Variants in DST observed in about 807,000 individuals in gnomAD.
DST encodes the protein dystonin.
A neutral mutation model predicts 875.2 loss-of-function variants in DST; 253 were observed. The observed-to-expected ratio is 0.29, with a 90% CI of 0.26 to 0.32. The LOEUF is 0.32. DST is among the 10% of genes least tolerant of loss of function. DST has a pLI of 1.00. For missense variants in DST, 8,287 were observed against 9,111.6 expected (o/e 0.91, Z 3.68); for synonymous variants, 3,124 against 3,197.1 (o/e 0.98, Z 0.77).
At chr6:56,669,287 C>CAAAAAAAAAAAAAAAAAAAAA (rs1055863442) in intron 10 of DST, among the ~76,000 whole-genome samples, 1 of 69,392 alleles carries the variant, frequency 1.4e-5, no homozygotes, top group Non-Finnish European at 3.1e-5. Flanking sequence ...TTTGTAAAAC[C>CAAAAAAAAAAAAAAAAAAAAA]AAAAAAAAAA....
chr6:56,545,143 C>T (rs1027148397), intron 61 of DST, among the ~76,000 whole-genome samples: 1 of 151,848 alleles, frequency 6.6e-6, no homozygotes, highest in Non-Finnish European at 1.5e-5. Flanking sequence ...CTCCCAAGTA[C>T]AGATGCGCAC....
At chr6:56,812,226 T>A (rs2099761256) in intron 4 of DST, among the ~76,000 whole-genome samples, 1 of 152,052 alleles carries the variant, frequency 6.6e-6, no homozygotes, top group African/African-American at 2.4e-5. Flanking sequence ...GGATAGCATG[T>A]TTTTTAAACA....
intron 80 of DST, among the ~76,000 whole-genome samples, chr6:56,500,213 A>T (rs917519212): frequency 6.6e-6 from 1 of 152,092 alleles, no homozygotes; most frequent in Non-Finnish European, 1.5e-5. Flanking sequence ...GTTAAGGAAA[A>T]TTTATTTTAG....
intron 90 of DST, among the ~76,000 whole-genome samples, chr6:56,479,149 T>C (rs2095316316): frequency 6.6e-6 from 1 of 152,166 alleles, no homozygotes; most frequent in Middle Eastern, 3.4e-3. Context: ...AATACAAGCA[T>C]ACAAGCAGCC....
chr6:56,624,768 GA>G, intron 35 of DST, 140 bp from the exon 36 acceptor site: 1 of 683,322 alleles, frequency 1.5e-6, no homozygotes, highest in Non-Finnish European at 2.6e-6. Flanking sequence ...TGATAAGAAT[GA>G]GCTTATTATT....
chr6:56,748,630 C>G (rs2099579074), intron 4 of DST, among the ~76,000 whole-genome samples: 1 of 152,210 alleles, frequency 6.6e-6, no homozygotes. Flanking sequence ...ACACTATACA[C>G]TACAGAATTT....
intron 9 of DST, among the ~76,000 whole-genome samples, chr6:56,680,963 T>C (rs2099154219): frequency 6.6e-6 from 1 of 152,166 alleles, no homozygotes; most frequent in Non-Finnish European, 1.5e-5. Context: ...ATATACAATA[T>C]CATTTTACAA....
rs2095837173 is a variant in DST, at chr6:56,494,085, C to T, written c.20319G>A (p.Glu6773=). The T allele has an allele frequency of 6.2e-7, 1 of 1,611,332 alleles. No individual in the cohort carries two copies. The highest frequency in any genetic ancestry group is 8.5e-7 in the Non-Finnish European group (1 of 1,178,358). The part of the protein sequence containing the change: ...QMLARCPKSA[E]TNIDQDINNL... ...TATTTATGTCTTGGTCAATATTTGT[C>T]TCTGCAGATTTTGGGCATCTTGCAA... is the stretch of plus-strand genomic sequence containing the variant. Residue 6773 remains glutamate (E), a synonymous_variant, in exon 83 of 104, where the codon GAG becomes GAA. Coordinates refer to ENST00000680361, the MANE Select transcript of DST (RefSeq NM_001374736.1).
chr6:56,670,512 A>T (rs891426388), intron 10 of DST, 129 bp downstream of exon 10: 1 of 796,494 alleles, frequency 1.3e-6, no homozygotes. Context: ...TTTTTATTTT[A>T]ATTTTTCTGT....
intron 2 of DST, among the ~76,000 whole-genome samples, chr6:56,937,883 A>C (rs930869844): frequency 1.3e-5 from 2 of 152,308 alleles, no homozygotes; most frequent in Admixed American, 1.3e-4. Context: ...CTTAAGCTAC[A>C]TGAAAGAAGC....
Position 56,492,999 on chromosome 6 carries a change from G to C in DST, c.20485C>G (p.Leu6829Val), listed in dbSNP as rs1035126473. 2.5e-6 allele frequency: 4 copies of C among 1,612,654 alleles called. No individual in the cohort carries two copies. Among genetic ancestry groups the C allele is most frequent in the Non-Finnish European group, 3.4e-6 (4 of 1,179,316 alleles). ...INWLTQAEQTLNVASRPSLIL... is the reference protein window; with the variant it reads ...INWLTQAEQTVNVASRPSLIL... ...AGACTTGGCCGAGAAGCTACATTTA[G>C]GGTCTGTTCAGCCTGAGTAAGCCAG... The change falls in exon 84 of 104, where the codon CTA becomes GTA. Residue 6829 changes from leucine (L) to valine (V), a missense_variant. Physicochemically the swap from Leu to Val is conservative, Grantham distance 32. Transcript: ENST00000680361.
chr6:56,661,185 G>A (rs918726196), intron 10 of DST, among the ~76,000 whole-genome samples: 1 of 152,046 alleles, frequency 6.6e-6, no homozygotes, highest in Admixed American at 6.5e-5. Flanking sequence ...TTTTATTATG[G>A]TAGAAAACTA....
chr6:56,735,553 T>TCACCACCACCACCACCACCACCAC (rs1481488913), intron 4 of DST, among the ~76,000 whole-genome samples: 256 of 115,004 alleles, frequency 2.2e-3, no homozygotes, highest in African/African-American at 0.011. Context: ...CCATAACCCC[T>TCACCACCACCACCACCACCACCAC]CATCACCACC....
intron 4 of DST, among the ~76,000 whole-genome samples, chr6:56,772,972 G>C (rs911624171): frequency 2.6e-5 from 4 of 152,128 alleles, no homozygotes; most frequent in Non-Finnish European, 5.9e-5. Context: ...TCTTGTTCTA[G>C]GGAAAGCATG....
intron 10 of DST, among the ~76,000 whole-genome samples, chr6:56,665,259 C>A (rs2099066485): frequency 6.6e-6 from 1 of 152,182 alleles, no homozygotes; most frequent in South Asian, 2.1e-4. Flanking sequence ...TAAACAACTT[C>A]ATTAAACCCT....
chr6:56,751,329 A>G (rs969042747), intron 4 of DST, among the ~76,000 whole-genome samples: 1 of 152,204 alleles, frequency 6.6e-6, no homozygotes, highest in African/African-American at 2.4e-5. Flanking sequence ...TGCCTAAGAA[A>G]AAAGATTATA....
At chr6:56,691,665 T>G (rs993819880) in intron 9 of DST, among the ~76,000 whole-genome samples, 3 of 152,300 alleles carry the variant, frequency 2.0e-5, no homozygotes, top group Admixed American at 2.0e-4. Flanking sequence ...AATTATATTT[T>G]AAAGACAAGT....
chr6:56,881,353 G>A (rs1471153716), intron 3 of DST, among the ~76,000 whole-genome samples: 1 of 151,860 alleles, frequency 6.6e-6, no homozygotes, highest in African/African-American at 2.4e-5. Flanking sequence ...CATGCCTGTA[G>A]TCCCAGCTAC....
At chr6:56,819,210 T>C (rs919388149) in intron 4 of DST, among the ~76,000 whole-genome samples, 13 of 152,122 alleles carry the variant, frequency 8.5e-5, no homozygotes, top group African/African-American at 3.1e-4. Flanking sequence ...CCATCAGAAG[T>C]ATATTTGAGC....
Sources: gnomAD v4.1 joint callset for allele counts (sites outside exome capture counted in the v4.1 genomes callset) on GRCh38, gnomAD v4.1.1 for gene constraint, MANE v1.5 for transcripts, NCBI Gene and HGNC (gene_info 2026-07-23, HGNC 2026-07-21) for gene names.